Variants in TRABD2B observed in about 807,000 individuals in gnomAD.
TRABD2B encodes the protein TraB domain containing 2B, also known as metalloprotease TIKI2.
TRABD2B carries 14 observed loss-of-function variants against 40.1 expected under a neutral mutation model. The observed-to-expected ratio is 0.35, with a 90% confidence interval of 0.23 to 0.55. TRABD2B has a LOEUF of 0.55. TRABD2B is among the 20% of genes least tolerant of loss of function. The pLI is 0.90. For missense variants in TRABD2B, 541 were observed against 648.6 expected (o/e 0.83, Z 1.80); for synonymous variants, 263 against 277.0 (o/e 0.95, Z 0.50).
intron 2 of TRABD2B, among the ~76,000 whole-genome samples, chr1:47,807,610 T>C (rs1399841722): frequency 6.6e-6 from 1 of 151,922 alleles, no homozygotes; most frequent in Non-Finnish European, 1.5e-5. Flanking sequence ...TCCTCCCTCT[T>C]TTGTTATTCA....
chr1:47,787,442 G>T (rs376879949), intron 4 of TRABD2B, among the ~76,000 whole-genome samples: 4 of 152,110 alleles, frequency 2.6e-5, no homozygotes, highest in African/African-American at 7.2e-5. Context: ...CGTCTTTGGC[G>T]TAACTCTCAC....
chr1:47,994,849 G>A lies in TRABD2B; in HGVS notation c.103-252C>T, dbSNP rs1223167108. On this transcript the variant is annotated intron_variant, in intron 1 of 6. Coordinates refer to ENST00000606738, the MANE Select transcript of TRABD2B (RefSeq NM_001194986.2). This position sits in a 1 kb window ranked among gnomAD's most constrained non-coding sequence, Gnocchi z 6.7. ...CAGTTTCCTCATCTGTAAAATGGGGGTGAAAGCAACTACCTCGGGTTGTTG... is the reference window on the plus strand; with the variant it reads ...CAGTTTCCTCATCTGTAAAATGGGGATGAAAGCAACTACCTCGGGTTGTTG... 1.3e-5 allele frequency among the ~76,000 whole-genome samples: 2 copies of A among 152,166 alleles called. No individual in the cohort carries two copies. Among genetic ancestry groups the A allele is most frequent in the Non-Finnish European group, 2.9e-5 (2 of 68,030 alleles).
intron 3 of TRABD2B, among the ~76,000 whole-genome samples, chr1:47,800,727 G>A (rs1480747960): frequency 6.6e-6 from 1 of 152,186 alleles, no homozygotes; most frequent in African/African-American, 2.4e-5. Flanking sequence ...CCTATCCAGG[G>A]GCTCAGGAAG....
chr1:47,925,140 G>A (rs936475334), intron 2 of TRABD2B, among the ~76,000 whole-genome samples: 1 of 152,176 alleles, frequency 6.6e-6, no homozygotes, highest in Non-Finnish European at 1.5e-5. Flanking sequence ...AAACTCTCAT[G>A]ATTCCAGTTT....
chr1:47,886,325 T>C (rs571992981), intron 2 of TRABD2B, among the ~76,000 whole-genome samples: 65 of 152,300 alleles, frequency 4.3e-4, no homozygotes, highest in African/African-American at 1.4e-3. Context: ...TGGATGAACT[T>C]TACCCGCTGA....
chr1:47,977,933 T>A (rs937003686), intron 2 of TRABD2B, among the ~76,000 whole-genome samples: 3 of 152,074 alleles, frequency 2.0e-5, no homozygotes, highest in East Asian at 1.9e-4. Flanking sequence ...ATCTCTGGGT[T>A]TCATGTTCCT....
chr1:47,845,821 C>T (rs1645460819), intron 2 of TRABD2B, among the ~76,000 whole-genome samples: 1 of 152,120 alleles, frequency 6.6e-6, no homozygotes, highest in Admixed American at 6.5e-5. Flanking sequence ...GTGTTTAGTC[C>T]TCATTGAACT....
chr1:47,924,345 T>C (rs751071737), intron 2 of TRABD2B, among the ~76,000 whole-genome samples: 1 of 152,108 alleles, frequency 6.6e-6, no homozygotes, highest in African/African-American at 2.4e-5. Flanking sequence ...CAGCAGTGCA[T>C]TGTGAAATGA....
At chr1:47,793,356 G>C (rs762202973) in intron 4 of TRABD2B, among the ~76,000 whole-genome samples, 1 of 152,316 alleles carries the variant, frequency 6.6e-6, no homozygotes, top group Non-Finnish European at 1.5e-5. Context: ...ATCTACTTCT[G>C]AGCCCCTCCC....
chr1:47,971,409 A>G (rs979980169), intron 2 of TRABD2B, among the ~76,000 whole-genome samples: 1 of 152,222 alleles, frequency 6.6e-6, no homozygotes, highest in African/African-American at 2.4e-5. Flanking sequence ...GTATAGTTAT[A>G]AGTGGAGAAA....
intron 2 of TRABD2B, among the ~76,000 whole-genome samples, chr1:47,893,342 G>A (rs1644475517): frequency 6.6e-6 from 1 of 152,180 alleles, no homozygotes; most frequent in Non-Finnish European, 1.5e-5. Context: ...AACCTCTGGG[G>A]GGCCAGGCAG....
intron 2 of TRABD2B, among the ~76,000 whole-genome samples, chr1:47,944,781 C>T (rs1410407055): frequency 6.6e-6 from 1 of 152,158 alleles, no homozygotes; most frequent in Non-Finnish European, 1.5e-5. Context: ...ACATGGCTAC[C>T]ACAGTAGAAG....
chr1:47,973,596 C>A (rs114773920), intron 2 of TRABD2B, among the ~76,000 whole-genome samples: 9 of 152,256 alleles, frequency 5.9e-5, no homozygotes, highest in Non-Finnish European at 8.8e-5. Flanking sequence ...AAGTGCCACC[C>A]CAGATTCTTG....
chr1:47,919,801 C>A (rs1021638092), intron 2 of TRABD2B, among the ~76,000 whole-genome samples: 1 of 152,170 alleles, frequency 6.6e-6, no homozygotes, highest in Non-Finnish European at 1.5e-5. Context: ...CACAGCACTG[C>A]ATGTCAAGTG....
intron 2 of TRABD2B, among the ~76,000 whole-genome samples, chr1:47,957,158 A>G (rs7528045): frequency 0.92 from 139,834 of 152,304 alleles, 65,084 homozygotes; most frequent in Non-Finnish European, 0.99. Context: ...ACTGTTAGAA[A>G]GAAAACTCAC....
chr1:47,830,869 T>C (rs753084934), intron 2 of TRABD2B, among the ~76,000 whole-genome samples: 3 of 152,186 alleles, frequency 2.0e-5, no homozygotes, highest in Non-Finnish European at 4.4e-5. Flanking sequence ...CTCTGTATTA[T>C]ATATCTCAGC....
intron 2 of TRABD2B, among the ~76,000 whole-genome samples, chr1:47,863,220 T>A (rs1643999865): frequency 6.6e-6 from 1 of 151,316 alleles, no homozygotes; most frequent in African/African-American, 2.4e-5. Flanking sequence ...AGCTGGACTT[T>A]ATTAAAATAA....
At chr1:47,863,550 A>G (rs1266054796) in intron 2 of TRABD2B, among the ~76,000 whole-genome samples, 1 of 151,920 alleles carries the variant, frequency 6.6e-6, no homozygotes, top group Non-Finnish European at 1.5e-5. Flanking sequence ...TAAAATGACA[A>G]TGAGATACCA....
At chr1:47,907,144 T>C (rs1322825116) in intron 2 of TRABD2B, among the ~76,000 whole-genome samples, 1 of 152,234 alleles carries the variant, frequency 6.6e-6, no homozygotes, top group Non-Finnish European at 1.5e-5. Flanking sequence ...GCAAAGATGC[T>C]ATAAGCTCCA....
Sources: gnomAD v4.1 joint callset for allele counts (sites outside exome capture counted in the v4.1 genomes callset) on GRCh38, gnomAD v4.1.1 for gene constraint, Gnocchi (gnomAD v3.1) non-coding constraint, MANE v1.5 for transcripts, NCBI Gene and HGNC (gene_info 2026-07-23, HGNC 2026-07-21) for gene names.